IFT57: variants seen among roughly 807,000 people sequenced by gnomAD.
IFT57 encodes the protein intraflagellar transport 57, also known as intraflagellar transport protein 57 homolog.
IFT57 carries 59 observed loss-of-function variants against 56.8 expected under a neutral mutation model. That is an observed-to-expected ratio of 1.04 (90% confidence interval 0.84 to 1.29). IFT57 has a LOEUF of 1.29. IFT57 is among the 50% of genes most tolerant of loss of function. The pLI, the probability that IFT57 is intolerant of heterozygous loss-of-function variation, is 0.00. For synonymous variants in IFT57, 209 were observed against 186.1 expected, an observed-to-expected ratio of 1.12 and a Z score of -1.00; for missense variants, 470 against 522.1, an observed-to-expected ratio of 0.90 and a Z score of 0.97.
chr3:108,208,549 T>G (rs1431398299), intron 4 of IFT57, among the ~76,000 whole-genome samples: 1 of 152,194 alleles, frequency 6.6e-6, no homozygotes, highest in Non-Finnish European at 1.5e-5. Context: ...ACAGCCAGGA[T>G]TTACAGGTCC....
chr3:108,191,056 G>A (rs908230680), intron 6 of IFT57, among the ~76,000 whole-genome samples: 5 of 152,156 alleles, frequency 3.3e-5, no homozygotes, highest in African/African-American at 4.8e-5. Context: ...CTCCCAAAGC[G>A]TTGGGATTAC....
Position 108,222,220 on chromosome 3 carries a change from C to T in IFT57, c.103G>A (p.Gly35Ser), listed in dbSNP as rs1401903816. 4 of 1,614,124 alleles carry T rather than the reference C, an allele frequency of 2.5e-6. No homozygotes were observed. The highest frequency in any genetic ancestry group is 1.7e-6 in the Non-Finnish European group (2 of 1,180,026). The change falls in exon 1 of 11, where the codon GGC becomes AGC. Residue 35 changes from glycine to serine, a missense_variant. By Grantham distance (56) the Gly-to-Ser change is moderately conservative. Coordinates refer to ENST00000264538, the MANE Select transcript of IFT57 (RefSeq NM_018010.4). ...TGEVVLERGP[G>S]AAYHMFVVME... Reference sequence around the variant, plus strand: ...ACCACGAACATGTGGTAGGCCGCGCCGGGCCCCCGCTCCAAGACCACTTCC... The same window carrying T: ...ACCACGAACATGTGGTAGGCCGCGCTGGGCCCCCGCTCCAAGACCACTTCC...
At chr3:108,214,130 C>T (rs1488589544) in intron 3 of IFT57, 109 bp from the exon 4 acceptor site, 5 of 604,204 alleles carry the variant, frequency 8.3e-6, no homozygotes, top group South Asian at 7.6e-5. Flanking sequence ...CTTTTTCATT[C>T]CGCTTCCATA....
chr3:108,206,945 A>G (rs1241152782), intron 4 of IFT57, among the ~76,000 whole-genome samples: 1 of 152,074 alleles, frequency 6.6e-6, no homozygotes, highest in Non-Finnish European at 1.5e-5. Flanking sequence ...TAAAGAAAGG[A>G]AAAAAACTGG....
At chr3:108,200,743 G>A (rs1401062715) in intron 5 of IFT57, among the ~76,000 whole-genome samples, 4 of 152,030 alleles carry the variant, frequency 2.6e-5, no homozygotes, top group African/African-American at 7.2e-5. Flanking sequence ...AATAATCCAC[G>A]TGACAGATTA....
intron 6 of IFT57, among the ~76,000 whole-genome samples, chr3:108,179,514 A>G (rs745489904): frequency 6.6e-6 from 1 of 152,012 alleles, no homozygotes; most frequent in Non-Finnish European, 1.5e-5. Flanking sequence ...TCCCTAATAA[A>G]AGAACATTAT....
chr3:108,218,969 T>A (rs1371244684), intron 2 of IFT57, among the ~76,000 whole-genome samples: 3 of 152,040 alleles, frequency 2.0e-5, no homozygotes, highest in Non-Finnish European at 4.4e-5. Context: ...AAGGACAGAG[T>A]GATTCACTTG....
intron 6 of IFT57, among the ~76,000 whole-genome samples, chr3:108,169,513 A>G (rs327164): frequency 0.8 from 120,966 of 151,782 alleles, 50,352 homozygotes; most frequent in Non-Finnish European, 0.93. Context: ...GTCAATTTTG[A>G]CTTTTGTTGC....
chr3:108,219,622 A>G, intron 1 of IFT57, 50 bp from the exon 2 acceptor site: 1 of 1,564,090 alleles, frequency 6.4e-7, no homozygotes, highest in Non-Finnish European at 8.8e-7. Flanking sequence ...AATGCAAATA[A>G]GTCTATAATA....
intron 5 of IFT57, among the ~76,000 whole-genome samples, chr3:108,205,952 TATATAA>T (rs1267892895): frequency 7.0e-5 from 6 of 85,218 alleles, no homozygotes; most frequent in South Asian, 3.4e-4. Flanking sequence ...TAGTTTATAA[TATATAA>T]ATATATTATA....
chr3:108,209,082 A>T (rs1452044201), intron 4 of IFT57, among the ~76,000 whole-genome samples: 1 of 152,220 alleles, frequency 6.6e-6, no homozygotes, highest in Non-Finnish European at 1.5e-5. Context: ...GTAGTGAAAG[A>T]TGGTAGTTAT....
intron 5 of IFT57, among the ~76,000 whole-genome samples, chr3:108,205,518 A>G (rs972403537): frequency 1.7e-4 from 26 of 151,394 alleles, no homozygotes; most frequent in Non-Finnish European, 5.9e-5. Context: ...AATGAGGATT[A>G]ATAATACTAA....
intron 5 of IFT57, among the ~76,000 whole-genome samples, chr3:108,199,198 G>A (rs1337798824): frequency 1.3e-5 from 2 of 151,942 alleles, no homozygotes; most frequent in South Asian, 2.1e-4. Flanking sequence ...AAAAACCCAC[G>A]GAACATATTT....
chr3:108,218,268 A>G (rs1403317130), intron 3 of IFT57: 1 of 217,512 alleles, frequency 4.6e-6, no homozygotes, highest in Non-Finnish European at 9.0e-6. Flanking sequence ...ATTTACAAAG[A>G]TATGTAGTCA....
At chr3:108,218,685 T>C (rs535758907) in intron 2 of IFT57, 32 bp from the exon 3 acceptor site, 1 of 1,094,526 alleles carries the variant, frequency 9.1e-7, no homozygotes, top group Admixed American at 2.6e-5. Flanking sequence ...AGGGTATTAT[T>C]TGTTAGTTAT....
intron 6 of IFT57, among the ~76,000 whole-genome samples, chr3:108,185,511 G>A (rs1280299173): frequency 2.0e-5 from 3 of 148,114 alleles, no homozygotes; most frequent in African/African-American, 7.5e-5. Context: ...AAGAAAAAGT[G>A]CCACGAAGAC....
chr3:108,187,353 T>C (rs2080189752), intron 6 of IFT57, among the ~76,000 whole-genome samples: 1 of 152,144 alleles, frequency 6.6e-6, no homozygotes, highest in Admixed American at 6.6e-5. Context: ...ATAAAAACCT[T>C]GTTGCAATAT....
Position 108,222,315 on chromosome 3 carries a change from G to C in IFT57, c.8C>G (p.Ala3Gly). The change falls in exon 1 of 11, where the codon GCT becomes GGT. Residue 3 changes from alanine (A) to glycine (G), a missense_variant. Transcript: ENST00000264538. The stretch of plus-strand genomic sequence containing the variant: ...CGACGTCGTGACGACGGCCAGAGCA[G>C]CAGTCATCGCAGAACGGACAGAGTC... MT[A>G]ALAVVTTSGL... 1 of 1,610,002 alleles carries C rather than the reference G, an allele frequency of 6.2e-7. No homozygotes were observed. The highest frequency in any genetic ancestry group is 8.5e-7 in the Non-Finnish European group (1 of 1,177,968).
intron 5 of IFT57, among the ~76,000 whole-genome samples, chr3:108,199,446 T>C (rs868483033): frequency 6.6e-6 from 1 of 152,098 alleles, no homozygotes; most frequent in Non-Finnish European, 1.5e-5. Flanking sequence ...GCCAAAAAAC[T>C]GAAATAGGAA....
Sources: allele counts gnomAD v4.1 joint callset (sites outside exome capture counted in the v4.1 genomes callset), GRCh38; gene constraint gnomAD v4.1.1; transcripts MANE v1.5; gene names NCBI Gene and HGNC (gene_info 2026-07-23, HGNC 2026-07-21).